Variants in WWOX observed in about 807,000 individuals in gnomAD.
The protein encoded by WWOX is WW domain containing oxidoreductase, also known as WW domain-containing oxidoreductase.
Under a neutral mutation model 46.2 loss-of-function variants are expected in WWOX, and 69 were observed. That is an observed-to-expected ratio of 1.49 (90% CI 1.23 to 1.82). The LOEUF (loss-of-function observed/expected upper bound fraction) is 1.82. Ranked by LOEUF, WWOX falls within the 40% of genes most tolerant of loss-of-function variation. The pLI is 0.00. For synonymous variants in WWOX, 359 were observed against 202.6 expected, an observed-to-expected ratio of 1.77 and a Z score of -6.56; for missense variants, 919 against 542.6, an observed-to-expected ratio of 1.69 and a Z score of -6.89.
intron 8 of WWOX, chr16:79,205,262 C>G (rs941905748): frequency 4.6e-5 from 7 of 152,198 alleles, no homozygotes; most frequent in African/African-American, 1.4e-4. Context: ...ACTTTACTCT[C>G]TCTGAGCCAC....
intron 8 of WWOX, among the ~76,000 whole-genome samples, chr16:78,625,556 C>A (rs1020975447): frequency 4.6e-5 from 7 of 151,894 alleles, no homozygotes; most frequent in Admixed American, 4.6e-4. Context: ...CCAGTTTATC[C>A]TATTATTTTA....
chr16:79,005,647 G>A (rs1459291563), intron 8 of WWOX, among the ~76,000 whole-genome samples: 3 of 152,068 alleles, frequency 2.0e-5, no homozygotes, highest in Non-Finnish European at 2.9e-5. Context: ...CCTTGTCCAT[G>A]TCTCTCTATG....
At chr16:78,657,568 C>T (rs1309335487) in intron 8 of WWOX, among the ~76,000 whole-genome samples, 3 of 152,144 alleles carry the variant, frequency 2.0e-5, no homozygotes, top group Admixed American at 1.3e-4. Flanking sequence ...GTGACCCTGG[C>T]CGGGACTGAA....
intron 8 of WWOX, among the ~76,000 whole-genome samples, chr16:79,080,508 T>C (rs552541870): frequency 6.6e-6 from 1 of 152,268 alleles, no homozygotes; most frequent in South Asian, 2.1e-4. Flanking sequence ...CTTTGCACGT[T>C]GCAGAAGATC....
At chr16:78,102,848 A>C (rs1293877319) in intron 1 of WWOX, among the ~76,000 whole-genome samples, 3 of 152,122 alleles carry the variant, frequency 2.0e-5, no homozygotes, top group African/African-American at 4.8e-5. Context: ...TGAGTAAATG[A>C]ATCACCTTGG....
chr16:78,670,120 T>C (rs576188534), intron 8 of WWOX, among the ~76,000 whole-genome samples: 1 of 151,546 alleles, frequency 6.6e-6, no homozygotes. Context: ...TGTGAGGGCT[T>C]CTCTGCGTCA....
At chr16:79,039,805 C>T (rs984820280) in intron 8 of WWOX, among the ~76,000 whole-genome samples, 8 of 152,110 alleles carry the variant, frequency 5.3e-5, no homozygotes, top group Non-Finnish European at 7.4e-5. Flanking sequence ...AACCTTTTTG[C>T]GTGCTCTTCT....
intron 8 of WWOX, among the ~76,000 whole-genome samples, chr16:79,094,579 GAAAC>G (rs1328501616): frequency 1.3e-5 from 2 of 151,808 alleles, no homozygotes. Flanking sequence ...AAGCAAATAA[GAAAC>G]AACAACAAAC....
At chr16:79,002,942 A>G (rs368995335) in intron 8 of WWOX, among the ~76,000 whole-genome samples, 2 of 152,204 alleles carry the variant, frequency 1.3e-5, no homozygotes, top group Non-Finnish European at 1.5e-5. Context: ...TCAAAAATCT[A>G]TGCTGTTTAG....
rs117868356 is a variant in WWOX, at chr16:78,715,313, G to A, written c.1056+282561G>A. Among the ~76,000 whole-genome samples, 195 of 152,188 alleles carry A rather than the reference G, an allele frequency of 1.3e-3. 2 individuals carry two copies. The East Asian group carries it at 0.029, about 22-fold the overall frequency. On this transcript the variant is annotated intron_variant, in intron 8 of 8. Coordinates refer to ENST00000566780, the MANE Select transcript of WWOX (RefSeq NM_016373.4). ...GGCAATTGCTGTCACTGGTCCAGCC[G>A]GCTCAGCAACTGCACATTTGTCAAA...
rs147580190 is a variant in WWOX at position 78,225,193 on chromosome 16, C to G, written c.516+60904C>G. 3.5e-3 allele frequency among the ~76,000 whole-genome samples: 528 copies of G among 152,250 alleles called. 2 individuals carry two copies. The highest frequency in any genetic ancestry group is 0.012 in the African/African-American group (503 of 41,558). ...TAGCCTCTTCCTCCAGGGCTATGAA[C>G]CTGTATAGTATATTACTGTAATGAA... On this transcript the variant is annotated intron_variant, in intron 5 of 8. Coordinates refer to ENST00000566780, the MANE Select transcript of WWOX (RefSeq NM_016373.4).
At chr16:78,833,276 G>C (rs757703437) in intron 8 of WWOX, among the ~76,000 whole-genome samples, 24 of 152,020 alleles carry the variant, frequency 1.6e-4, no homozygotes, top group Non-Finnish European at 2.8e-4. Flanking sequence ...TGAACTCCTG[G>C]CTTCAAGCAG....
intron 8 of WWOX, among the ~76,000 whole-genome samples, chr16:78,671,555 T>G (rs2047464264): frequency 6.6e-6 from 1 of 152,168 alleles, no homozygotes; most frequent in African/African-American, 2.4e-5. Flanking sequence ...CCCTTCTAGT[T>G]TTTATGATAA....
At chr16:78,418,323 C>G (rs528051045) in intron 6 of WWOX, among the ~76,000 whole-genome samples, 98 of 151,868 alleles carry the variant, frequency 6.5e-4, no homozygotes, top group Non-Finnish European at 1.0e-3. Context: ...GAGATTGCAC[C>G]ACTGCACTCC....
At chr16:78,183,696 C>T (rs964560952) in intron 5 of WWOX, among the ~76,000 whole-genome samples, 1 of 152,204 alleles carries the variant, frequency 6.6e-6, no homozygotes, top group Admixed American at 6.5e-5. Flanking sequence ...ACCACCCCTT[C>T]ATGCCTTGCA....
At chr16:78,915,844 C>G (rs1317111370) in intron 8 of WWOX, among the ~76,000 whole-genome samples, 3 of 152,158 alleles carry the variant, frequency 2.0e-5, no homozygotes, top group Non-Finnish European at 4.4e-5. Context: ...ATCTTGATCA[C>G]CACAGCTTTA....
At position 78,616,491 on chromosome 16, in the gene WWOX, G is replaced by A. The variant is rs1479719817; in HGVS notation, c.1056+183739G>A. 3.3e-5 allele frequency among the ~76,000 whole-genome samples: 5 copies of A among 151,006 alleles called. No homozygotes were observed. In the South Asian group the frequency reaches 8.4e-4, roughly 25 times the overall value. ...AAAAGGGCACTAATGGCCAGGAGTG[G>A]TGGCTCACACCTGTAATCCCAGCAC... On this transcript the variant is annotated intron_variant, in intron 8 of 8. Transcript: ENST00000566780.
chr16:78,904,027 C>T (rs866011913), intron 8 of WWOX, among the ~76,000 whole-genome samples: 3 of 152,066 alleles, frequency 2.0e-5, no homozygotes, highest in African/African-American at 4.8e-5. Context: ...TCATCAACAC[C>T]TTTACCCTGT....
At chr16:78,617,203 G>A (rs373563876) in intron 8 of WWOX, among the ~76,000 whole-genome samples, 10 of 152,196 alleles carry the variant, frequency 6.6e-5, no homozygotes, top group South Asian at 6.2e-4. Flanking sequence ...CTTGAGCCCC[G>A]GAGTTGAAGA....
Sources: allele counts gnomAD v4.1 joint callset (sites outside exome capture counted in the v4.1 genomes callset), GRCh38; gene constraint gnomAD v4.1.1; transcripts MANE v1.5; gene names NCBI Gene and HGNC (gene_info 2026-07-23, HGNC 2026-07-21).